SGCD: variants seen among roughly 807,000 people sequenced by gnomAD.
SGCD encodes the protein sarcoglycan delta, also known as delta-sarcoglycan.
SGCD carries 18 observed loss-of-function variants against 36.6 expected under a neutral mutation model. The observed-to-expected ratio is 0.49, with a 90% CI of 0.34 to 0.73. The LOEUF is 0.73. Among genes scored for constraint, SGCD ranks in the 30% least tolerant of loss-of-function variants. SGCD has a pLI of 0.01. For missense variants in SGCD, 387 were observed against 346.7 expected (o/e 1.12, Z -0.92); for synonymous variants, 133 against 130.6 (o/e 1.02, Z -0.12).
At chr5:155,805,125 A>T in the SGCD span, among the ~76,000 whole-genome samples, 6,747 of 152,288 alleles carry the variant, frequency 0.044, 323 homozygotes, top group African/African-American at 0.12. Context: ...TGTACATGGA[A>T]ATTAGGAAAT....
intron 3 of SGCD, among the ~76,000 whole-genome samples, chr5:156,292,222 T>C (rs1040591108): frequency 6.6e-6 from 1 of 152,060 alleles, no homozygotes; most frequent in Non-Finnish European, 1.5e-5. Flanking sequence ...CTACCACTTG[T>C]CTCCTCAACT....
intron 3 of SGCD, among the ~76,000 whole-genome samples, chr5:156,192,309 C>G (rs1484043722): frequency 6.6e-6 from 1 of 152,068 alleles, no homozygotes; most frequent in Admixed American, 6.6e-5. Flanking sequence ...TATATATATA[C>G]AAAACATTTT....
chr5:155,741,705 T>A, the SGCD span, among the ~76,000 whole-genome samples: 2 of 135,390 alleles, frequency 1.5e-5, no homozygotes, highest in Admixed American at 1.6e-4. Context: ...TTTTTTTTTT[T>A]AATTAGGGAC....
At chr5:156,492,663 C>T (rs1755997613) in intron 3 of SGCD, among the ~76,000 whole-genome samples, 1 of 152,038 alleles carries the variant, frequency 6.6e-6, no homozygotes, top group Non-Finnish European at 1.5e-5. Context: ...TTGCTGCACC[C>T]ATCAACCCGT....
At chr5:156,635,430 G>A (rs1409405863) in intron 6 of SGCD, among the ~76,000 whole-genome samples, 2 of 152,166 alleles carry the variant, frequency 1.3e-5, no homozygotes. Context: ...CTTTTACACT[G>A]TTGGTGGGAC....
intron 1 of SGCD, among the ~76,000 whole-genome samples, chr5:155,940,600 C>A (rs1415181868): frequency 6.6e-6 from 1 of 152,124 alleles, no homozygotes; most frequent in Admixed American, 6.5e-5. Context: ...AATCCCAGCA[C>A]TTTGGGAGGC....
intron 4 of SGCD, among the ~76,000 whole-genome samples, chr5:156,556,495 A>C (rs1428596263): frequency 6.6e-6 from 1 of 152,152 alleles, no homozygotes; most frequent in East Asian, 1.9e-4. Flanking sequence ...AAAAATCAAG[A>C]GATCATTTGT....
the SGCD span, among the ~76,000 whole-genome samples, chr5:155,767,293 T>C: frequency 2.0e-5 from 3 of 152,162 alleles, no homozygotes; most frequent in Non-Finnish European, 4.4e-5. Flanking sequence ...GGAAGACATG[T>C]CAGTTGCCTG....
chr5:156,649,921 A>T (rs1763398374), intron 7 of SGCD, among the ~76,000 whole-genome samples: 1 of 152,130 alleles, frequency 6.6e-6, no homozygotes, highest in African/African-American at 2.4e-5. Flanking sequence ...TTTCTATGGA[A>T]CAAAGCTTTT....
At chr5:156,132,576 C>A (rs1762354814) in intron 3 of SGCD, among the ~76,000 whole-genome samples, 1 of 142,620 alleles carries the variant, frequency 7.0e-6, no homozygotes, top group South Asian at 2.3e-4. Flanking sequence ...TCATGCCATT[C>A]TTCTGCCTCA....
intron 4 of SGCD, among the ~76,000 whole-genome samples, chr5:156,555,939 A>T (rs1759001883): frequency 6.6e-6 from 1 of 152,056 alleles, no homozygotes; most frequent in Non-Finnish European, 1.5e-5. Context: ...TGGTGCTATC[A>T]TCAGTGAAAT....
chr5:156,047,055 G>A (rs889726758), intron 1 of SGCD, among the ~76,000 whole-genome samples: 2 of 152,126 alleles, frequency 1.3e-5, no homozygotes, highest in African/African-American at 2.4e-5. Context: ...TGAATAGAAG[G>A]TCAAACCAGC....
At chr5:156,471,935 A>T (rs966681631) in intron 3 of SGCD, among the ~76,000 whole-genome samples, 1 of 152,156 alleles carries the variant, frequency 6.6e-6, no homozygotes, top group African/African-American at 2.4e-5. Flanking sequence ...AAAGACAGTG[A>T]TTTTTAAAAG....
intron 3 of SGCD, among the ~76,000 whole-genome samples, chr5:156,345,187 T>C (rs576258670): frequency 7.9e-5 from 12 of 152,338 alleles, no homozygotes; most frequent in South Asian, 6.2e-4. Context: ...AGGACGATCC[T>C]CTTTGCCACT....
chr5:156,695,112 T>TTGTG (rs370137233), intron 7 of SGCD, among the ~76,000 whole-genome samples: 1,379 of 128,988 alleles, frequency 0.011, 26 homozygotes, highest in East Asian at 0.05. Context: ...GGTACTGTGT[T>TTGTG]TGTGTGTGTG....
rs192460731 is a variant in SGCD at position 156,443,677 on chromosome 5, C to T, written c.193-64924C>T. Among the ~76,000 whole-genome samples, 26 of 152,134 alleles carry T rather than the reference C, an allele frequency of 1.7e-4. No individual in the cohort carries two copies. In the East Asian group the frequency reaches 2.1e-3, roughly 12 times the overall value. ...AGCACTAGGGATCTCTTCTCATATCCGACACTAACTTGCTTTGTGTCTTTG... is the reference window on the plus strand; with the variant it reads ...AGCACTAGGGATCTCTTCTCATATCTGACACTAACTTGCTTTGTGTCTTTG... On this transcript the variant is annotated intron_variant, in intron 3 of 8. Coordinates refer to ENST00000337851, the MANE Select transcript of SGCD (RefSeq NM_000337.6).
intron 6 of SGCD, among the ~76,000 whole-genome samples, chr5:156,604,847 CATATAT>C (rs1182213947): frequency 2.1e-5 from 3 of 142,590 alleles, no homozygotes; most frequent in Non-Finnish European, 4.5e-5. Flanking sequence ...CACATATATA[CATATAT>C]AATGTGTATA....
chr5:156,700,797 G>T (rs1352092522), intron 7 of SGCD, among the ~76,000 whole-genome samples: 1 of 151,948 alleles, frequency 6.6e-6, no homozygotes, highest in Non-Finnish European at 1.5e-5. Flanking sequence ...TAGAAAATTA[G>T]CCAGGTGTAG....
At chr5:156,241,251 C>CGCGT (rs1554086590) in intron 3 of SGCD, among the ~76,000 whole-genome samples, 2 of 145,180 alleles carry the variant, frequency 1.4e-5, no homozygotes, top group Admixed American at 6.9e-5. Flanking sequence ...TAGACCAAAA[C>CGCGT]GTGTGTGTGT....
Sources: allele counts gnomAD v4.1 joint callset (sites outside exome capture counted in the v4.1 genomes callset), GRCh38; gene constraint gnomAD v4.1.1; transcripts MANE v1.5; gene names NCBI Gene and HGNC (gene_info 2026-07-23, HGNC 2026-07-21).